The following SPRY3 variants were observed in gnomAD, a reference collection of about 807,000 sequenced individuals.
SPRY3 encodes sprouty RTK signaling antagonist 3.
In SPRY3, 15 loss-of-function variants were observed where a neutral mutation model predicts 20.2. That is an observed-to-expected ratio of 0.74 (90% CI 0.50 to 1.14). The LOEUF (loss-of-function observed/expected upper bound fraction) is 1.14, where lower values mean the gene tolerates loss of function less well. SPRY3 is among the 50% of genes most tolerant of loss of function. SPRY3 has a pLI of 0.00. For synonymous variants in SPRY3, 143 were observed against 136.5 expected, an observed-to-expected ratio of 1.05 and a Z score of -0.33; for missense variants, 364 against 363.9, an observed-to-expected ratio of 1.00 and a Z score of 0.00.
intron 2 of SPRY3, among the ~76,000 whole-genome samples, chrX:155,703,745 A>C (rs775876454): frequency 6.6e-6 from 1 of 150,658 alleles, no homozygotes; most frequent in East Asian, 2.0e-4. Flanking sequence ...TTTCTCTTGT[A>C]GGCATTTAGT....
intron 2 of SPRY3, among the ~76,000 whole-genome samples, chrX:155,739,767 A>T (rs2124571821): frequency 6.6e-6 from 1 of 152,310 alleles, no homozygotes; most frequent in South Asian, 2.1e-4. Flanking sequence ...ACAAACAGGA[A>T]GCAACAGCAA....
chrX:155,730,911 C>G (rs2091128568), intron 2 of SPRY3, among the ~76,000 whole-genome samples: 1 of 151,872 alleles, frequency 6.6e-6, no homozygotes, highest in Admixed American at 6.6e-5. Context: ...ATCCCATTTA[C>G]AATAGCTACA....
chrX:155,722,428 G>A (rs953723094), intron 2 of SPRY3, among the ~76,000 whole-genome samples: 5 of 152,096 alleles, frequency 3.3e-5, no homozygotes, highest in African/African-American at 1.2e-4. Flanking sequence ...GGCTGAGGCA[G>A]GAGAATCACT....
intron 2 of SPRY3, among the ~76,000 whole-genome samples, chrX:155,750,935 A>G (rs779445954): frequency 5.9e-5 from 9 of 152,010 alleles, no homozygotes; most frequent in Admixed American, 5.9e-4. Flanking sequence ...GACTATGATG[A>G]ATTGAAAGAA....
chrX:155,676,871 A>G (rs781881554), intron 2 of SPRY3, among the ~76,000 whole-genome samples: 1 of 111,350 alleles, frequency 9.0e-6, no homozygotes, highest in Non-Finnish European at 1.9e-5. Context: ...TCGTAATACT[A>G]TCACATTGGC....
chrX:155,685,914 T>C (rs2068086396), intron 2 of SPRY3, among the ~76,000 whole-genome samples: 1 of 110,785 alleles, frequency 9.0e-6, no homozygotes, highest in African/African-American at 3.3e-5. Context: ...ACTACAGGTG[T>C]GTGCCACCAT....
At chrX:155,756,101 T>C (rs2091282579) in intron 2 of SPRY3, among the ~76,000 whole-genome samples, 1 of 152,028 alleles carries the variant, frequency 6.6e-6, no homozygotes, top group Non-Finnish European at 1.5e-5. Flanking sequence ...ATGTCAGTTC[T>C]GAAAATAAAC....
chrX:155,757,116 C>T (rs1440585336), intron 2 of SPRY3, among the ~76,000 whole-genome samples: 1 of 152,152 alleles, frequency 6.6e-6, no homozygotes, highest in African/African-American at 2.4e-5. Context: ...CTTCTCAGCT[C>T]ACCCTGAGTA....
At chrX:155,733,741 A>G (rs1405283433) in intron 2 of SPRY3, among the ~76,000 whole-genome samples, 1 of 152,142 alleles carries the variant, frequency 6.6e-6, no homozygotes, top group Non-Finnish European at 1.5e-5. Flanking sequence ...TGTTTCATCA[A>G]CATTGAAATT....
Position 155,652,542 on chromosome X carries a change from G to T in SPRY3, c.-440-4325G>T, listed in dbSNP as rs2067980509. Among the ~76,000 whole-genome samples, 3 of 111,473 alleles carry T rather than the reference G, an allele frequency of 2.7e-5. No individual in the cohort carries two copies. In the South Asian group the frequency reaches 1.1e-3, roughly 42 times the overall value. ...GCCTGCCTTATTTCATGTTGCAAAT[G>T]ACAGGACCTGTTTTATTTCTTTTTA... On this transcript the variant is annotated intron_variant, in intron 1 of 3. Coordinates refer to ENST00000675360, the Ensembl canonical transcript of SPRY3.
intron 2 of SPRY3, among the ~76,000 whole-genome samples, chrX:155,756,773 C>T (rs2091284965): frequency 6.6e-6 from 1 of 152,010 alleles, no homozygotes; most frequent in Non-Finnish European, 1.5e-5. Context: ...CAGAGACTTA[C>T]AGGTACATTT....
Position 155,645,359 on chromosome X carries a change from A to G in SPRY3, c.-440-11508A>G, listed in dbSNP as rs7056376. 6.9e-3 allele frequency among the ~76,000 whole-genome samples: 766 copies of G among 111,785 alleles called. 6 individuals carry two copies. The highest frequency in any genetic ancestry group is 0.024 in the African/African-American group (727 of 30,739). ...TGTGTCACCAAGTACAGTGTCTATG[A>G]GCCCATTTCAACACTAGGAGTCACC... On this transcript the variant is annotated intron_variant, in intron 1 of 3. Transcript: ENST00000675360.
chrX:155,688,730 G>A (rs1027692873), intron 2 of SPRY3, among the ~76,000 whole-genome samples: 1 of 105,329 alleles, frequency 9.5e-6, no homozygotes, highest in African/African-American at 3.5e-5. Flanking sequence ...TGGGCAGGAT[G>A]TGCAGGTTTG....
chrX:155,746,987 T>C (rs1253692796), intron 2 of SPRY3, among the ~76,000 whole-genome samples: 2 of 151,904 alleles, frequency 1.3e-5, no homozygotes, highest in Non-Finnish European at 2.9e-5. Flanking sequence ...AAACTGTGGA[T>C]CTGGGACCAC....
intron 2 of SPRY3, among the ~76,000 whole-genome samples, chrX:155,752,427 G>T (rs1428987159): frequency 6.6e-6 from 1 of 151,450 alleles, no homozygotes; most frequent in African/African-American, 2.4e-5. Context: ...TAAAACATTT[G>T]CAAAGCATGG....
At chrX:155,767,064 C>A (rs1183652987) in intron 2 of SPRY3, among the ~76,000 whole-genome samples, 2 of 152,062 alleles carry the variant, frequency 1.3e-5, no homozygotes, top group East Asian at 1.9e-4. Flanking sequence ...TTACTCTCCA[C>A]CCCACCCCCA....
intron 2 of SPRY3, among the ~76,000 whole-genome samples, chrX:155,744,431 G>A (rs1011066036): frequency 1.3e-5 from 2 of 152,070 alleles, no homozygotes; most frequent in Admixed American, 6.6e-5. Flanking sequence ...AGCAACAGTA[G>A]GGCTCCTGCT....
chrX:155,728,095 GA>G (rs1407432976), intron 2 of SPRY3, among the ~76,000 whole-genome samples: 20 of 152,208 alleles, frequency 1.3e-4, no homozygotes, highest in Admixed American at 4.6e-4. Flanking sequence ...GTCCACTCCA[GA>G]ACCTGTTTGC....
At chrX:155,747,390 A>G (rs2091232964) in intron 2 of SPRY3, among the ~76,000 whole-genome samples, 1 of 151,938 alleles carries the variant, frequency 6.6e-6, no homozygotes, top group African/African-American at 2.4e-5. Context: ...GCAAAGCTTC[A>G]TGGCCCCACA....
Sources: allele counts gnomAD v4.1 joint callset (sites outside exome capture counted in the v4.1 genomes callset), GRCh38; gene constraint gnomAD v4.1.1; transcripts MANE v1.5; gene names NCBI Gene and HGNC (gene_info 2026-07-23, HGNC 2026-07-21).